The following PIK3R4 variants were observed in gnomAD, a reference collection of about 807,000 sequenced individuals.
PIK3R4 encodes the protein phosphoinositide 3-kinase regulatory subunit 4.
PIK3R4 carries 46 observed loss-of-function variants against 136.5 expected under a neutral mutation model. The ratio of observed to expected loss-of-function variants is 0.34; its 90% confidence interval spans 0.27 to 0.43. The LOEUF (loss-of-function observed/expected upper bound fraction) is 0.43, where lower values mean the gene tolerates loss of function less well. Among genes scored for constraint, PIK3R4 ranks in the 20% least tolerant of loss-of-function variants. The probability of loss-of-function intolerance (pLI) is 1.00; values close to 1 mark genes in which losing one functional copy is unlikely to be tolerated. For synonymous variants in PIK3R4, 557 were observed against 566.7 expected, an observed-to-expected ratio of 0.98 and a Z score of 0.24; for missense variants, 1,331 against 1,649.5, an observed-to-expected ratio of 0.81 and a Z score of 3.35.
In PIK3R4 at chr3:130,716,486, C is replaced by G. The variant is rs754331921; in HGVS notation, c.2241G>C (p.Met747Ile). The change falls in exon 9 of 20, where the codon ATG becomes ATC. Residue 747 changes from methionine (M) to isoleucine (I), a missense_variant. This residue lies in a region of PIK3R4 where 1,180 missense variants were observed against 1,407.0 expected (regional missense o/e 0.84). Transcript: ENST00000356763. ...GAGAACCATTTCGTTTCTTCTGACG[C>G]ATGTGAAGATGTCTGAACAAGCTAG... ...DITSLFRHLH[M>I]RQKKRNGSLP... 3.1e-6 allele frequency: 5 copies of G among 1,614,060 alleles called. No homozygotes were observed. The highest frequency in any genetic ancestry group is 1.3e-5 in the African/African-American group (1 of 75,048).
At chr3:130,704,791 G>A (rs1388834002) in intron 12 of PIK3R4, among the ~76,000 whole-genome samples, 1 of 151,900 alleles carries the variant, frequency 6.6e-6, no homozygotes, top group African/African-American at 2.4e-5. Flanking sequence ...AAGGCGTAGG[G>A]TTAGAGGTGA....
chr3:130,734,536 C>A (rs1221983184), intron 3 of PIK3R4, among the ~76,000 whole-genome samples: 1 of 152,206 alleles, frequency 6.6e-6, no homozygotes, highest in Non-Finnish European at 1.5e-5. Context: ...AATCACAGAA[C>A]CCCTAAAATC....
intron 16 of PIK3R4, among the ~76,000 whole-genome samples, chr3:130,681,972 GGGCAGTAATGCT>G (rs1276810317): frequency 6.6e-6 from 1 of 152,144 alleles, no homozygotes; most frequent in Admixed American, 6.5e-5. Context: ...GTAGGAGAAA[GGGCAGTAATGCT>G]GGTCATTTTC....
At chr3:130,723,829 C>A in intron 6 of PIK3R4, 1 of 346,224 alleles carries the variant, frequency 2.9e-6, no homozygotes, top group Non-Finnish European at 5.2e-6. Flanking sequence ...AAATATAGGT[C>A]TCCTAAAAAG....
At position 130,723,320 on chromosome 3, in the gene PIK3R4, T is replaced by C. The variant is rs771117208; in HGVS notation, c.1981+94A>G. 3.6e-5 allele frequency: 38 copies of C among 1,048,432 alleles called. No homozygotes were observed. In the Middle Eastern group the frequency reaches 6.8e-4, roughly 19 times the overall value. 64.9% of individuals were successfully genotyped at this position (1,048,432 alleles called of 1,614,324 possible). The stretch of plus-strand genomic sequence containing the variant: ...AATAGTAGGAACCCCACACAATCAA[T>C]AGCAGGAACAATAAAGTTGCAATTC... On this transcript the variant is annotated intron_variant, in intron 7 of 19. Coordinates refer to ENST00000356763, the MANE Select transcript of PIK3R4 (RefSeq NM_014602.3).
intron 7 of PIK3R4, 77 bp from the exon 8 acceptor site, chr3:130,718,611 C>G (rs1349691277): frequency 2.1e-6 from 3 of 1,424,540 alleles, no homozygotes; most frequent in Non-Finnish European, 2.9e-6. Context: ...TACCTTATAA[C>G]GTAACTGACA....
Position 130,735,933 on chromosome 3 carries a change from C to T in PIK3R4, c.803G>A (p.Arg268Lys). 1.2e-6 allele frequency: 2 copies of T among 1,612,836 alleles called. No homozygotes were observed. Among genetic ancestry groups the T allele is most frequent in the South Asian group, 1.1e-5 (1 of 91,022 alleles). The part of the protein sequence containing the change: ...LFDLSQLLAY[R>K]NGHFFPEQVL... Reference sequence around the variant, plus strand: ...TTGTTCAGGGAAAAAATGTCCATTTCTATAAGCCAAAAGTTGAGAGAGATC... The same window carrying T: ...TTGTTCAGGGAAAAAATGTCCATTTTTATAAGCCAAAAGTTGAGAGAGATC... Residue 268 changes from arginine to lysine, a missense_variant, in exon 3 of 20, where the codon AGA (arginine) becomes AAA (lysine). Arg to Lys is a conservative substitution (Grantham distance 26). Coordinates refer to ENST00000356763, the MANE Select transcript of PIK3R4 (RefSeq NM_014602.3).
At position 130,690,588 on chromosome 3, in the gene PIK3R4, G is replaced by A. The variant is rs752428407; in HGVS notation, c.3165C>T (p.His1055=). ...CATTATCAGATGCTATGGCTAAATA[G>A]TGGGAGCCTTGGCAGAATGTGAGCG... The part of the protein sequence containing the change: ...VKTLTFCQGS[H]YLAIASDNGA... The change falls in exon 14 of 20, where the codon CAC becomes CAT. Residue 1055 remains histidine, a synonymous_variant. Transcript: ENST00000356763. 39 of 1,611,466 alleles carry A rather than the reference G, an allele frequency of 2.4e-5. No individual in the cohort carries two copies. The highest frequency in any genetic ancestry group is 2.5e-5 in the Non-Finnish European group (29 of 1,177,828).
chr3:130,745,387 G>A (rs2107624843), intron 1 of PIK3R4, 123 bp from the exon 2 acceptor site: 1 of 600,338 alleles, frequency 1.7e-6, no homozygotes, highest in Non-Finnish European at 2.8e-6. Flanking sequence ...TCCACTAACA[G>A]CACTGTACCT....
intron 9 of PIK3R4, among the ~76,000 whole-genome samples, chr3:130,709,829 C>T (rs899301559): frequency 6.6e-6 from 1 of 152,070 alleles, no homozygotes; most frequent in African/African-American, 2.4e-5. Context: ...TTAAGCAAAT[C>T]CATAGAGACA....
At chr3:130,691,532 G>A (rs2066518267) in intron 13 of PIK3R4, among the ~76,000 whole-genome samples, 1 of 151,838 alleles carries the variant, frequency 6.6e-6, no homozygotes, top group Admixed American at 6.6e-5. Flanking sequence ...CTACACAGGG[G>A]ACCTCCATTA....
intron 13 of PIK3R4, among the ~76,000 whole-genome samples, chr3:130,699,089 C>G (rs1463711312): frequency 6.6e-6 from 1 of 152,144 alleles, no homozygotes; most frequent in African/African-American, 2.4e-5. Context: ...GGTATGTGCA[C>G]AACTCTACAC....
intron 10 of PIK3R4, 24 bp downstream of exon 10, chr3:130,708,267 A>G: frequency 6.4e-7 from 1 of 1,573,958 alleles, no homozygotes; most frequent in South Asian, 1.1e-5. Flanking sequence ...AACAAGCTAC[A>G]CACACACAAA....
chr3:130,737,197 C>G (rs2066790780), intron 2 of PIK3R4, among the ~76,000 whole-genome samples: 1 of 152,170 alleles, frequency 6.6e-6, no homozygotes, highest in Non-Finnish European at 1.5e-5. Context: ...TTCTTGATTG[C>G]CGGTTTAAAA....
At position 130,686,195 on chromosome 3, in the gene PIK3R4, TTGAAAG is replaced by T. The variant is rs1399042940; in HGVS notation, c.3475+10_3475+15del. The T allele has an allele frequency of 1.5e-5, 23 of 1,570,720 alleles. No homozygotes were observed. Among genetic ancestry groups the T allele is most frequent in the African/African-American group, 5.4e-5 (4 of 73,914 alleles). ...TGGCATTCAAAACCCAGCCAATGAC[TTGAAAG>T]TTAGCTTACCAATGCAGAGCCAGCA... On this transcript the variant is annotated intron_variant, in intron 15 of 19. Coordinates refer to ENST00000356763, the MANE Select transcript of PIK3R4 (RefSeq NM_014602.3).
chr3:130,703,870 A>G lies in PIK3R4; in HGVS notation c.2951T>C (p.Leu984Pro). The G allele has an allele frequency of 6.2e-7, 1 of 1,612,144 alleles. No homozygotes were observed. Among genetic ancestry groups the G allele is most frequent in the Non-Finnish European group, 8.5e-7 (1 of 1,178,706 alleles). ...PPPPGWRPKGLLVAHLHEHKS... is the reference protein window; with the variant it reads ...PPPPGWRPKGPLVAHLHEHKS... ...ATGCTCATGAAGATGGGCAACTAAC[A>G]GCCCTTTAGGACGCCATCCTAAGGA... The change falls in exon 13 of 20, where the codon CTG becomes CCG. Residue 984 changes from leucine to proline, a missense_variant. Physicochemically the swap from Leu to Pro is moderately conservative, Grantham distance 98. Coordinates refer to ENST00000356763, the MANE Select transcript of PIK3R4 (RefSeq NM_014602.3).
chr3:130,734,647 G>C (rs1177948091), intron 3 of PIK3R4, among the ~76,000 whole-genome samples: 9 of 152,192 alleles, frequency 5.9e-5, no homozygotes, highest in Non-Finnish European at 1.3e-4. Context: ...ATCAGTAGGG[G>C]AATCAGTGGC....
chr3:130,729,281 C>T (rs1425828126), intron 5 of PIK3R4, among the ~76,000 whole-genome samples: 1 of 152,088 alleles, frequency 6.6e-6, no homozygotes, highest in African/African-American at 2.4e-5. Context: ...GAGCAAGGAT[C>T]GTTTCTATCG....
chr3:130,741,352 G>C (rs1319934943), intron 2 of PIK3R4, among the ~76,000 whole-genome samples: 2 of 152,196 alleles, frequency 1.3e-5, no homozygotes, highest in African/African-American at 4.8e-5. Context: ...CTGTTAGCTT[G>C]ATCTTGGACT....
Sources: allele counts gnomAD v4.1 joint callset (sites outside exome capture counted in the v4.1 genomes callset), GRCh38; gene constraint gnomAD v4.1.1; regional missense constraint gnomAD v4.1.1; transcripts MANE v1.5; gene names NCBI Gene and HGNC (gene_info 2026-07-23, HGNC 2026-07-21).